The following MS4A6A variants were observed in gnomAD, a reference collection of about 807,000 sequenced individuals.
MS4A6A encodes membrane spanning 4-domains A6A.
Under a neutral mutation model 20.6 loss-of-function variants are expected in MS4A6A, and 19 were observed. The ratio of observed to expected loss-of-function variants is 0.92; its 90% CI spans 0.64 to 1.36. The LOEUF is 1.36. MS4A6A is among the 40% of genes most tolerant of loss of function. MS4A6A has a pLI of 0.00. For synonymous variants in MS4A6A, 108 were observed against 105.0 expected (o/e 1.03, Z -0.17); for missense variants, 272 against 261.1 (o/e 1.04, Z -0.29).
chr11:60,178,537 A>G (rs1454462927), intron 3 of MS4A6A, among the ~76,000 whole-genome samples: 1 of 152,158 alleles, frequency 6.6e-6, no homozygotes, highest in Non-Finnish European at 1.5e-5. Flanking sequence ...CTAATAAACA[A>G]AAAATATCCC....
rs528706541 is a variant in MS4A6A at position 60,182,968 on chromosome 11, C to T, written c.-15+10G>A. ...TAGTGAGATGAGAAAAGTCTTCCAG[C>T]ATTACCTACCTGTGCCCGTTGGTTC... On this transcript the variant is annotated intron_variant, in intron 1 of 5. Coordinates refer to ENST00000528851, the MANE Select transcript of MS4A6A (RefSeq NM_022349.4). 37 of 1,359,660 alleles carry T rather than the reference C, an allele frequency of 2.7e-5. No individual in the cohort carries two copies. In the African/African-American group the frequency reaches 5.4e-4, roughly 20 times the overall value. 84.2% of individuals were successfully genotyped at this position (1,359,660 alleles called of 1,614,324 possible). A position where few individuals can be genotyped will look rare whatever the true frequency, so the allele number is the denominator to read the frequency against.
At chr11:60,178,489 G>C in intron 3 of MS4A6A, 173 bp from the exon 4 acceptor site, 2 of 481,218 alleles carry the variant, frequency 4.2e-6, no homozygotes, top group Non-Finnish European at 3.7e-6. Flanking sequence ...ATAACATTCA[G>C]ATAACATCAG....
intron 2 of MS4A6A, chr11:60,180,209 C>G (rs1857060889): frequency 1.8e-6 from 1 of 553,304 alleles, no homozygotes; most frequent in African/African-American, 1.9e-5. Context: ...ATTTCTGCCT[C>G]TCAGGCCCTG....
At chr11:60,174,839 A>ACTCTATTCC in intron 5 of MS4A6A, among the ~76,000 whole-genome samples, 1 of 151,968 alleles carries the variant, frequency 6.6e-6, no homozygotes, top group East Asian at 2.0e-4. Context: ...CACTTCTTTC[A>ACTCTATTCC]GCTATAACAA....
In MS4A6A at chr11:60,175,397, C is replaced by T. The variant is rs760183032; in HGVS notation, c.549+5G>A. 2 of 1,606,524 alleles carry T rather than the reference C, an allele frequency of 1.2e-6. No homozygotes were observed. The highest frequency in any genetic ancestry group is 3.3e-5 in the Admixed American group (2 of 59,996). ...GATTAGAACATCCCATCTAAAAATA[C>T]TTACAGCCAGACTGGCTTTGGCTGT... On this transcript the variant is annotated splice_donor_5th_base_variant and intron_variant, in intron 5 of 5. Coordinates refer to ENST00000528851, the MANE Select transcript of MS4A6A (RefSeq NM_022349.4).
At position 60,172,948 on chromosome 11, in the gene MS4A6A, C is replaced by A; in HGVS notation, c.*53G>T. 1.2e-6 allele frequency: 2 copies of A among 1,607,254 alleles called. No homozygotes were observed. The highest frequency in any genetic ancestry group is 1.1e-5 in the South Asian group (1 of 90,636). ...ATGACTGACTGATTGTTCCTTCTAC[C>A]ACTCTTGGTGACATACTCAACACAG... is the stretch of plus-strand genomic sequence containing the variant. On this transcript the variant is annotated 3_prime_UTR_variant, in exon 6 of 6. Coordinates refer to ENST00000528851, the MANE Select transcript of MS4A6A (RefSeq NM_022349.4).
rs1356023096 is a variant in MS4A6A, at chr11:60,172,576, T to C, written c.*425A>G. 3 of 1,131,448 alleles carry C rather than the reference T, an allele frequency of 2.7e-6. No homozygotes were observed. The highest frequency in any genetic ancestry group is 5.6e-5 in the South Asian group (2 of 35,454). The allele number at this position is 1,131,448 out of a possible 1,614,324, so 70.1% of individuals were successfully genotyped here. On this transcript the variant is annotated 3_prime_UTR_variant, in exon 6 of 6. Coordinates refer to ENST00000528851, the MANE Select transcript of MS4A6A (RefSeq NM_022349.4). Reference sequence around the variant, plus strand: ...GATCACCAGGGGCAAATGCAGAGCATAAGACATTCACTGGATCCAGTTACG... The same window carrying C: ...GATCACCAGGGGCAAATGCAGAGCACAAGACATTCACTGGATCCAGTTACG...
At chr11:60,178,150 G>T (rs143587260) in intron 4 of MS4A6A, 110 bp downstream of exon 4, 145 of 963,950 alleles carry the variant, frequency 1.5e-4, no homozygotes, top group African/African-American at 1.3e-3. Context: ...ACAACCAACT[G>T]CTCTGGAACT....
Position 60,172,787 on chromosome 11 carries a change from A to G in MS4A6A, c.*214T>C. 7.5e-7 allele frequency: 1 copy of G among 1,332,492 alleles called. No individual in the cohort carries two copies. The highest frequency in any genetic ancestry group is 1.6e-5 in the South Asian group (1 of 63,378). 82.5% of individuals were successfully genotyped at this position (1,332,492 alleles called of 1,614,324 possible). On this transcript the variant is annotated 3_prime_UTR_variant, in exon 6 of 6. Coordinates refer to ENST00000528851, the MANE Select transcript of MS4A6A (RefSeq NM_022349.4). The stretch of plus-strand genomic sequence containing the variant: ...TCATTCCCTTCGCTGACAAAATAGG[A>G]AGATTGAATCAGTTGATTTCTCATG...
At chr11:60,178,416 T>G in intron 3 of MS4A6A, 100 bp from the exon 4 acceptor site, 2 of 937,180 alleles carry the variant, frequency 2.1e-6, no homozygotes, top group Non-Finnish European at 3.4e-6. Flanking sequence ...GGAAAATCCC[T>G]GAGAAACCAG....
intron 2 of MS4A6A, chr11:60,180,180 T>A: frequency 1.7e-6 from 1 of 583,892 alleles, no homozygotes; most frequent in Non-Finnish European, 3.0e-6. Context: ...GTCTGGCAGG[T>A]GCTCAGGAAG....
At chr11:60,176,669 C>T (rs551315786) in intron 4 of MS4A6A, among the ~76,000 whole-genome samples, 23 of 152,172 alleles carry the variant, frequency 1.5e-4, no homozygotes, top group Non-Finnish European at 2.9e-4. Flanking sequence ...AACATAATGA[C>T]TGAAGTGTAC....
intron 5 of MS4A6A, 94 bp from the exon 6 acceptor site, chr11:60,173,223 A>G (rs1856672452): frequency 9.3e-7 from 1 of 1,070,318 alleles, no homozygotes. Flanking sequence ...AGACCACCTC[A>G]ACCATTAGAG....
In MS4A6A at chr11:60,178,720, C is replaced by T. The variant is rs764386265; in HGVS notation, c.283-404G>A. The T allele has an allele frequency of 1.4e-4, 54 of 375,398 alleles. 1 individual carries two copies. Among genetic ancestry groups the T allele is most frequent in the Middle Eastern group, 3.6e-4 (1 of 2,790 alleles). The allele number at this position is 375,398 out of a possible 1,614,324, so 23.3% of individuals were successfully genotyped here. A position where few individuals can be genotyped will look rare whatever the true frequency, so the allele number is the denominator to read the frequency against. On this transcript the variant is annotated intron_variant, in intron 3 of 5. Coordinates refer to ENST00000528851, the MANE Select transcript of MS4A6A (RefSeq NM_022349.4). ...GAAAATACTACCCCAACCACATAAT[C>T]AAGGTTAATTGTGTCAGTGACATTA...
intron 3 of MS4A6A, chr11:60,179,553 G>A (rs536624604): frequency 3.6e-5 from 18 of 493,414 alleles, no homozygotes; most frequent in South Asian, 1.1e-4. Context: ...TTTTTTTTTC[G>A]CCTAAACCTG....
chr11:60,173,817 A>G (rs148531662), intron 5 of MS4A6A, among the ~76,000 whole-genome samples: 1,642 of 152,162 alleles, frequency 0.011, 20 homozygotes, highest in African/African-American at 0.037. Context: ...ACCAACACCA[A>G]CTCACAAGAA....
chr11:60,181,098 G>A (rs1857112920), intron 2 of MS4A6A: 3 of 451,018 alleles, frequency 6.7e-6, no homozygotes, highest in African/African-American at 4.0e-5. Flanking sequence ...ATAAATTCTG[G>A]GTGAGAGGAG....
chr11:60,179,462 T>G (rs1857013492), intron 3 of MS4A6A: 1 of 559,128 alleles, frequency 1.8e-6, no homozygotes, highest in Admixed American at 3.3e-5. Context: ...GGTTTCTCTG[T>G]GAGTGTGTGA....
chr11:60,181,351 C>A (rs1003658259), intron 2 of MS4A6A: 14 of 559,926 alleles, frequency 2.5e-5, no homozygotes, highest in African/African-American at 2.3e-4. Flanking sequence ...AATACAAAGA[C>A]AACAATAGAA....
Sources: gnomAD v4.1 joint callset for allele counts (sites outside exome capture counted in the v4.1 genomes callset) on GRCh38, gnomAD v4.1.1 for gene constraint, MANE v1.5 for transcripts, NCBI Gene and HGNC (gene_info 2026-07-23, HGNC 2026-07-21) for gene names.